ARR3: variants seen among roughly 807,000 people sequenced by gnomAD.
ARR3 encodes the protein arrestin 3.
In ARR3, 14 loss-of-function variants were observed where a neutral mutation model predicts 35.4. The ratio of observed to expected loss-of-function variants is 0.40; its 90% CI spans 0.26 to 0.62. The LOEUF (loss-of-function observed/expected upper bound fraction) is 0.62, where lower values mean the gene tolerates loss of function less well. Among genes scored for constraint, ARR3 ranks in the 20% least tolerant of loss-of-function variants. ARR3 has a pLI of 0.46. For synonymous variants in ARR3, 97 were observed against 119.1 expected (o/e 0.81, Z 1.21); for missense variants, 259 against 303.8 (o/e 0.85, Z 1.10).
chrX:70,276,860 G>A, intron 8 of ARR3, 124 bp downstream of exon 8: 1 of 606,269 alleles, frequency 1.6e-6, no homozygotes, highest in South Asian at 2.9e-5. Context: ...GTGACACCCG[G>A]TTCTGAGTCC....
Position 70,278,071 on chromosome X carries a change from C to T in ARR3, c.700C>T (p.Gln234Ter). The change falls in exon 11 of 17, where the codon CAG becomes TAG. Residue 234 changes from glutamine to a stop codon, truncating the protein, a stop_gained. Transcript: ENST00000307959. LOFTEE classifies it high-confidence loss of function. ...VIKKIKISVD[Q>*]ITDVVLYSLD... ...GCTTTTCCTGGCTTGTTCAGTTGACCAGATCACAGATGTTGTCCTGTATTC... is the reference window on the plus strand; with the variant it reads ...GCTTTTCCTGGCTTGTTCAGTTGACTAGATCACAGATGTTGTCCTGTATTC... 8.3e-7 allele frequency: 1 copy of T among 1,209,650 alleles called. No individual in the cohort carries two copies. The highest frequency in any genetic ancestry group is 1.1e-6 in the Non-Finnish European group (1 of 894,317).
chrX:70,280,122 G>A (rs2085672634), intron 12 of ARR3, 73 bp from the exon 13 acceptor site: 6 of 977,850 alleles, frequency 6.1e-6, no homozygotes, highest in Non-Finnish European at 8.7e-6. Context: ...AGGAATGCAT[G>A]AGAAGAAACT....
chrX:70,277,925 C>T (rs1017657490), intron 10 of ARR3, 125 bp downstream of exon 10: 1 of 867,402 alleles, frequency 1.2e-6, no homozygotes, highest in South Asian at 2.3e-5. Flanking sequence ...TGTCAAAATG[C>T]ATATCTTGTT....
chrX:70,269,864 C>G lies in ARR3; in HGVS notation c.61C>G (p.Arg21Gly). ...NGKLSIYLGK[R>G]DFVDHVDTVE... ...ACAGCTCTCCATCTACCTGGGGAAACGGGACTTCGTGGACCATGTGGACAC... is the reference window on the plus strand; with the variant it reads ...ACAGCTCTCCATCTACCTGGGGAAAGGGGACTTCGTGGACCATGTGGACAC... The change falls in exon 4 of 17, where the codon CGG becomes GGG. Residue 21 changes from arginine (R) to glycine (G), a missense_variant. Coordinates refer to ENST00000307959, the MANE Select transcript of ARR3 (RefSeq NM_004312.3). 2 of 1,208,883 alleles carry G rather than the reference C, an allele frequency of 1.7e-6. No individual in the cohort carries two copies. Among genetic ancestry groups the G allele is most frequent in the Non-Finnish European group, 2.2e-6 (2 of 894,120 alleles).
chrX:70,278,227 G>A (rs1487335749), intron 11 of ARR3, 89 bp downstream of exon 11: 9 of 858,225 alleles, frequency 1.0e-5, no homozygotes, highest in Non-Finnish European at 1.5e-5. Flanking sequence ...TAGAGTGGGG[G>A]AGAAGAGTGG....
Position 70,278,188 on chromosome X carries a change from G to A in ARR3, c.767+50G>A, listed in dbSNP as rs183148888. The stretch of plus-strand genomic sequence containing the variant: ...CAGAGAGCCAAGGGGTGGGGTGGTG[G>A]GAAGAGGTCCAGGAGGCAGTTGAGG... On this transcript the variant is annotated intron_variant, in intron 11 of 16. Transcript: ENST00000307959. 106 of 1,108,550 alleles carry A rather than the reference G, an allele frequency of 9.6e-5. No individual in the cohort carries two copies. The East Asian group carries it at 2.7e-3, about 28-fold the overall frequency. The allele number at this position is 1,108,550 out of a possible 1,213,427, so 91.4% of individuals were successfully genotyped here.
In ARR3 at chrX:70,278,147, G is replaced by C; in HGVS notation, c.767+9G>C. On this transcript the variant is annotated intron_variant, in intron 11 of 16. Coordinates refer to ENST00000307959, the MANE Select transcript of ARR3 (RefSeq NM_004312.3). Reference sequence around the variant, plus strand: ...TTCATTCAGGAATTCACGTGAGCTGGTGCTGGGGCTAGGACCAGAGAGCCA... The same window carrying C: ...TTCATTCAGGAATTCACGTGAGCTGCTGCTGGGGCTAGGACCAGAGAGCCA... 2 of 1,206,787 alleles carry C rather than the reference G, an allele frequency of 1.7e-6. No individual in the cohort carries two copies. Among genetic ancestry groups the C allele is most frequent in the Non-Finnish European group, 2.2e-6 (2 of 892,381 alleles).
At chrX:70,281,876 G>A (rs777133693), downstream of ARR3, 5 of 651,810 alleles carry the variant, frequency 7.7e-6, no homozygotes, top group East Asian at 1.1e-4. Context: ...CTTCCTGGAG[G>A]GTCACGGAAC....
At chrX:70,276,837 C>A in intron 8 of ARR3, 101 bp downstream of exon 8, 1 of 739,469 alleles carries the variant, frequency 1.4e-6, no homozygotes, top group Non-Finnish European at 2.0e-6. Context: ...CCTCCACAGC[C>A]TCATCGCCAC....
At position 70,281,005 on chromosome X, in the gene ARR3, G is replaced by GT. The variant is rs984101589; in HGVS notation, c.1067-94_1067-93insT. 22 of 958,990 alleles carry GT rather than the reference G, an allele frequency of 2.3e-5. 1 individual carries two copies. Among genetic ancestry groups the GT allele is most frequent in the African/African-American group, 1.5e-4 (7 of 48,168 alleles). The allele number at this position is 958,990 out of a possible 1,213,427, so 79.0% of individuals were successfully genotyped here. Reference sequence around the variant, plus strand: ...CTGGAGCAAAGGATTGGGAAGTTGGGGGGGGGGGAAGTAAAGATACTTCTT... The same window carrying GT: ...CTGGAGCAAAGGATTGGGAAGTTGGGTGGGGGGGGAAGTAAAGATACTTCTT... On this transcript the variant is annotated intron_variant, in intron 15 of 16. Transcript: ENST00000307959.
At chrX:70,277,248 T>C (rs2085657186) in intron 8 of ARR3, 146 bp from the exon 9 acceptor site, 1 of 803,790 alleles carries the variant, frequency 1.2e-6, no homozygotes, top group Non-Finnish European at 1.7e-6. Context: ...GTCTACATGC[T>C]TACATTAAGG....
intron 11 of ARR3, 43 bp downstream of exon 11, chrX:70,278,181 G>C: frequency 8.7e-7 from 1 of 1,150,807 alleles, no homozygotes; most frequent in Non-Finnish European, 1.2e-6. Flanking sequence ...CAAGGGGTGG[G>C]GTGGTGGGAA....
chrX:70,278,451 T>C, intron 11 of ARR3, 53 bp from the exon 12 acceptor site: 1 of 1,178,539 alleles, frequency 8.5e-7, no homozygotes. Context: ...GGAGTAAAAG[T>C]ATGCTTAGTC....
chrX:70,269,767 G>T, intron 3 of ARR3, 75 bp downstream of exon 3: 1 of 1,190,147 alleles, frequency 8.4e-7, no homozygotes, highest in South Asian at 1.8e-5. Flanking sequence ...AGGTCTCAGG[G>T]GTCTGGGTTG....
At chrX:70,279,384 C>A (rs766605025) in intron 12 of ARR3, among the ~76,000 whole-genome samples, 3 of 112,357 alleles carry the variant, frequency 2.7e-5, no homozygotes, top group Admixed American at 9.4e-5. Flanking sequence ...TAGAAATACC[C>A]TTAGAAATCA....
chrX:70,274,484 A>G (rs1383797121), intron 5 of ARR3, among the ~76,000 whole-genome samples: 2 of 112,585 alleles, frequency 1.8e-5, no homozygotes, highest in African/African-American at 6.5e-5. Flanking sequence ...TACAGGCGTG[A>G]GCTACCACGC....
chrX:70,278,034 T>C (rs774343124), intron 10 of ARR3, 32 bp from the exon 11 acceptor site: 2 of 1,195,460 alleles, frequency 1.7e-6, no homozygotes, highest in Non-Finnish European at 2.3e-6. Context: ...GACTGACTGA[T>C]TATAATCATG....
chrX:70,277,703 G>A lies in ARR3; in HGVS notation c.610-13G>A, dbSNP rs765229635. On this transcript the variant is annotated splice_polypyrimidine_tract_variant and intron_variant, in intron 9 of 16. Coordinates refer to ENST00000307959, the MANE Select transcript of ARR3 (RefSeq NM_004312.3). Reference sequence around the variant, plus strand: ...TCCTCCAGCCTTGACATGGGTCCCCGCTCCTGCTTTAGGTTCACTACCACG... The same window carrying A: ...TCCTCCAGCCTTGACATGGGTCCCCACTCCTGCTTTAGGTTCACTACCACG... The A allele has an allele frequency of 2.6e-5, 31 of 1,204,144 alleles. No individual in the cohort carries two copies. In the Admixed American group the frequency reaches 2.8e-4, roughly 11 times the overall value.
At chrX:70,272,923 C>A (rs1040487752) in intron 5 of ARR3, among the ~76,000 whole-genome samples, 8 of 111,584 alleles carry the variant, frequency 7.2e-5, no homozygotes, top group African/African-American at 2.6e-4. Context: ...TTTATTTTTT[C>A]TTTGGGTCAG....
Sources: gnomAD v4.1 joint callset for allele counts (sites outside exome capture counted in the v4.1 genomes callset) on GRCh38, gnomAD v4.1.1 for gene constraint, MANE v1.5 for transcripts, NCBI Gene and HGNC (gene_info 2026-07-23, HGNC 2026-07-21) for gene names.